Variants in KIZ observed in about 807,000 individuals in gnomAD.
The protein encoded by KIZ is centrosomal protein kizuna.
In KIZ, 68 loss-of-function variants were observed where a neutral mutation model predicts 79.6. The observed-to-expected ratio is 0.85, with a 90% CI of 0.70 to 1.05. The LOEUF (loss-of-function observed/expected upper bound fraction) is 1.05, where lower values mean the gene tolerates loss of function less well. Ranked by LOEUF, KIZ falls within the 50% of genes least tolerant of loss-of-function variation. KIZ has a pLI of 0.00. For synonymous variants in KIZ, 280 were observed against 281.8 expected, an observed-to-expected ratio of 0.99 and a Z score of 0.06; for missense variants, 797 against 800.4, an observed-to-expected ratio of 1.00 and a Z score of 0.05.
rs140890274 is a variant in KIZ, at chr20:21,212,100, GT to G, written c.1447-2430del. Reference sequence around the variant, plus strand: ...AGAGACTCTGTCTCAAAAAGAAGTTGTTTTTGACTAGAAATCTGTGACCTGT... The same window carrying G: ...AGAGACTCTGTCTCAAAAAGAAGTTGTTTTGACTAGAAATCTGTGACCTGT... On this transcript the variant is annotated intron_variant, in intron 7 of 12. Transcript: ENST00000619189. Among the ~76,000 whole-genome samples, 1,518 of 152,188 alleles carry G rather than the reference GT, an allele frequency of 1.0e-2. 27 individuals are homozygous for G. The highest frequency in any genetic ancestry group is 0.034 in the African/African-American group (1,417 of 41,526).
intron 4 of KIZ, among the ~76,000 whole-genome samples, chr20:21,159,760 C>T (rs932805508): frequency 6.6e-6 from 1 of 152,196 alleles, no homozygotes; most frequent in Non-Finnish European, 1.5e-5. Flanking sequence ...ATCTAGTCAT[C>T]TAATGTTGGC....
intron 3 of KIZ, among the ~76,000 whole-genome samples, chr20:21,142,095 ACT>A (rs954675027): frequency 3.3e-5 from 5 of 150,580 alleles, no homozygotes; most frequent in Admixed American, 1.3e-4. Flanking sequence ...GTACACACAC[ACT>A]CTCTCTCACA....
At position 21,214,515 on chromosome 20, in the gene KIZ, C is replaced by CT; in HGVS notation, c.1447-13dup. ...TACAGTTTGTTTTTATTTCTTTGTG[C>CT]TTTTTTTGAAACACTGTAGGCAACA... On this transcript the variant is annotated intron_variant, in intron 7 of 12. Transcript: ENST00000619189. The CT allele has an allele frequency of 3.8e-6, 6 of 1,575,878 alleles. No homozygotes were observed. The highest frequency in any genetic ancestry group is 3.5e-5 in the South Asian group (3 of 86,696).
intron 7 of KIZ, among the ~76,000 whole-genome samples, chr20:21,211,100 C>T (rs1281845910): frequency 6.6e-6 from 1 of 152,088 alleles, no homozygotes. Flanking sequence ...TCTGTTTATA[C>T]ATTTGAATAT....
intron 6 of KIZ, among the ~76,000 whole-genome samples, chr20:21,173,999 G>A (rs78046406): frequency 0.016 from 2,392 of 152,322 alleles, 63 homozygotes; most frequent in African/African-American, 0.054. Flanking sequence ...GAAGGAACCA[G>A]CAAAGGAGTC....
chr20:21,188,558 A>G (rs1306500347), intron 6 of KIZ, among the ~76,000 whole-genome samples: 5 of 151,532 alleles, frequency 3.3e-5, no homozygotes, highest in African/African-American at 9.7e-5. Context: ...TGAGGAGGAA[A>G]GGGATCACCC....
intron 4 of KIZ, among the ~76,000 whole-genome samples, chr20:21,153,182 C>A (rs1250313438): frequency 2.0e-5 from 3 of 152,146 alleles, no homozygotes; most frequent in East Asian, 3.8e-4. Context: ...TCACCTCGTA[C>A]ATGCTTGATA....
chr20:21,209,448 G>C (rs1473996649), intron 7 of KIZ, among the ~76,000 whole-genome samples: 1 of 152,116 alleles, frequency 6.6e-6, no homozygotes, highest in Non-Finnish European at 1.5e-5. Flanking sequence ...AGTAGATCGG[G>C]GTCCTGCCCC....
intron 6 of KIZ, among the ~76,000 whole-genome samples, chr20:21,202,531 C>T (rs1339384179): frequency 6.6e-6 from 1 of 152,210 alleles, no homozygotes; most frequent in Non-Finnish European, 1.5e-5. Flanking sequence ...TCCAATGACT[C>T]ATCTCACTTT....
chr20:21,217,605 A>G (rs903218879), intron 9 of KIZ, among the ~76,000 whole-genome samples: 10 of 152,328 alleles, frequency 6.6e-5, no homozygotes, highest in Admixed American at 5.9e-4. Flanking sequence ...GCAACCAGCC[A>G]TCAGTGTCAG....
intron 3 of KIZ, among the ~76,000 whole-genome samples, chr20:21,136,914 A>T (rs191466515): frequency 2.6e-5 from 4 of 152,306 alleles, no homozygotes; most frequent in Admixed American, 2.6e-4. Flanking sequence ...CATGTGGCTG[A>T]ATTTTATCAG....
chr20:21,188,737 T>A (rs1335205971), intron 6 of KIZ, among the ~76,000 whole-genome samples: 3 of 149,622 alleles, frequency 2.0e-5, no homozygotes, highest in Non-Finnish European at 3.0e-5. Flanking sequence ...TCTTGCCCTG[T>A]CACCCAGGCT....
intron 11 of KIZ, among the ~76,000 whole-genome samples, chr20:21,243,148 C>T (rs2037276048): frequency 6.6e-6 from 1 of 152,132 alleles, no homozygotes. Context: ...TGTCAGTCAG[C>T]TGCTGGCCTT....
At chr20:21,130,537 A>G (rs1600340533) in intron 1 of KIZ, among the ~76,000 whole-genome samples, 1 of 152,186 alleles carries the variant, frequency 6.6e-6, no homozygotes, top group South Asian at 2.1e-4. Flanking sequence ...TGTTTCCTTC[A>G]CTTCTATTCT....
intron 7 of KIZ, chr20:21,213,826 CAT>C (rs1225396411): frequency 6.6e-6 from 1 of 152,216 alleles, no homozygotes; most frequent in Non-Finnish European, 1.5e-5. Flanking sequence ...GCTCAGGACA[CAT>C]GAGGCATTTA....
chr20:21,141,983 T>C (rs1170547662), intron 3 of KIZ, among the ~76,000 whole-genome samples: 2 of 150,962 alleles, frequency 1.3e-5, no homozygotes, highest in African/African-American at 4.9e-5. Flanking sequence ...TATTCCTGTC[T>C]CCTTGCCTCT....
intron 1 of KIZ, among the ~76,000 whole-genome samples, chr20:21,130,888 T>C (rs1568901585): frequency 6.6e-6 from 1 of 152,240 alleles, no homozygotes; most frequent in African/African-American, 2.4e-5. Context: ...AATTAAGAGC[T>C]CACAAATGGA....
chr20:21,166,011 G>A (rs1164059422), intron 6 of KIZ, among the ~76,000 whole-genome samples: 1 of 152,028 alleles, frequency 6.6e-6, no homozygotes, highest in Non-Finnish European at 1.5e-5. Flanking sequence ...TTGTTGCCCA[G>A]GCTGGAGTGC....
Position 21,136,379 on chromosome 20 carries a change from T to G in KIZ, c.153-11T>G. On this transcript the variant is annotated splice_polypyrimidine_tract_variant and intron_variant, in intron 2 of 12. Coordinates refer to ENST00000619189, the MANE Select transcript of KIZ (RefSeq NM_018474.6). Reference sequence around the variant, plus strand: ...TAGTCCATTGTTTTAAAACTGCTTTTAATTTTCTAGAGTTAAGCTGAAATA... The same window carrying G: ...TAGTCCATTGTTTTAAAACTGCTTTGAATTTTCTAGAGTTAAGCTGAAATA... 3.4e-6 allele frequency: 5 copies of G among 1,452,344 alleles called. No individual in the cohort carries two copies. The highest frequency in any genetic ancestry group is 4.7e-6 in the Non-Finnish European group (5 of 1,064,524). 90.0% of individuals were successfully genotyped at this position (1,452,344 alleles called of 1,614,324 possible).
Sources: allele counts gnomAD v4.1 joint callset (sites outside exome capture counted in the v4.1 genomes callset), GRCh38; gene constraint gnomAD v4.1.1; transcripts MANE v1.5; gene names NCBI Gene and HGNC (gene_info 2026-07-23, HGNC 2026-07-21).